The following MGP variants were observed in gnomAD, a reference collection of about 807,000 sequenced individuals.
The protein encoded by MGP is matrix Gla protein.
In MGP, 13 loss-of-function variants were observed where a neutral mutation model predicts 14.5. The observed-to-expected ratio is 0.89, with a 90% CI of 0.58 to 1.42. The LOEUF (loss-of-function observed/expected upper bound fraction) is 1.42. Among genes scored for constraint, MGP ranks in the 40% most tolerant of loss-of-function variants. The probability of loss-of-function intolerance (pLI) is 0.00; values close to 1 mark genes in which losing one functional copy is unlikely to be tolerated. For synonymous variants in MGP, 44 were observed against 46.3 expected, an observed-to-expected ratio of 0.95 and a Z score of 0.20; for missense variants, 128 against 133.7, an observed-to-expected ratio of 0.96 and a Z score of 0.21.
In MGP at chr12:14,882,146, G is replaced by A; in HGVS notation, c.305C>T (p.Thr102Ile). The change falls in exon 4 of 4, where the codon ACC becomes ATC. Residue 102 changes from threonine to isoleucine, a missense_variant. By Grantham distance (89) the Thr-to-Ile change is moderately conservative (BLOSUM62 -1). Coordinates refer to ENST00000539261, the MANE Select transcript of MGP (RefSeq NM_000900.5). ...TTTTTTCTTCCCTCAGTCTCATTTG[G>A]TCCCTCGGCGCTTCCTGAAGTAGCG... is the stretch of plus-strand genomic sequence containing the variant. ...YNRYFRKRRG[T>I]K 1 of 1,613,904 alleles carries A rather than the reference G, an allele frequency of 6.2e-7. No homozygotes were observed. Among genetic ancestry groups the A allele is most frequent in the South Asian group, 1.1e-5 (1 of 91,062 alleles).
intron 1 of MGP, among the ~76,000 whole-genome samples, chr12:14,885,227 C>T (rs1270393277): frequency 6.6e-6 from 1 of 152,102 alleles, no homozygotes; most frequent in Non-Finnish European, 1.5e-5. Flanking sequence ...GAAAATGATT[C>T]TTTTCTAAAA....
rs1175223618 is a variant in MGP, at chr12:14,881,857, C to T, written c.*282G>A. On this transcript the variant is annotated 3_prime_UTR_variant, in exon 4 of 4. Coordinates refer to ENST00000539261, the MANE Select transcript of MGP (RefSeq NM_000900.5). ...AAGGTGGGCCATGATTTAAATATCTCAATATCTTCCCAAAAGAAAGCAGAT... is the reference window on the plus strand; with the variant it reads ...AAGGTGGGCCATGATTTAAATATCTTAATATCTTCCCAAAAGAAAGCAGAT... 4 of 416,542 alleles carry T rather than the reference C, an allele frequency of 9.6e-6. No individual in the cohort carries two copies. In the Admixed American group the frequency reaches 1.4e-4, roughly 15 times the overall value. The allele number at this position is 416,542 out of a possible 1,614,324, so 25.8% of individuals were successfully genotyped here. A position where few individuals can be genotyped will look rare whatever the true frequency, so the allele number is the denominator to read the frequency against.
At chr12:14,884,822 G>A (rs921754434) in intron 1 of MGP, 19 of 1,533,910 alleles carry the variant, frequency 1.2e-5, no homozygotes, top group Non-Finnish European at 1.5e-5. Flanking sequence ...CCCTGGGCAC[G>A]ATGCCAGTTC....
intron 1 of MGP, 64 bp downstream of exon 1, chr12:14,885,667 T>C: frequency 2.3e-6 from 3 of 1,287,158 alleles, no homozygotes; most frequent in Admixed American, 1.8e-5. Flanking sequence ...AGAGGAAAAA[T>C]AGAAGTAAGC....
At position 14,883,039 on chromosome 12, in the gene MGP, T is replaced by C. The variant is rs1456930445; in HGVS notation, c.103A>G (p.Ile35Val). 1.9e-6 allele frequency: 3 copies of C among 1,607,906 alleles called. No individual in the cohort carries two copies. Among genetic ancestry groups the C allele is most frequent in the Admixed American group, 1.7e-5 (1 of 59,994 alleles). ...SMESYELNPF[I>V]NRRNANTFIS... ...AAGGTATTTGCATTTCTCCTGTTAA[T>C]GAAGGGATCTTAGAACAGAAAATAA... Residue 35 changes from isoleucine (I) to valine (V), a missense_variant, in exon 3 of 4, where the codon ATT becomes GTT. By Grantham distance (29) the Ile-to-Val change is conservative (BLOSUM62 3). Transcript: ENST00000539261.
rs1374164105 is a variant in MGP at position 14,881,396 on chromosome 12, G to A, written c.*743C>T. On this transcript the variant is annotated 3_prime_UTR_variant, in exon 4 of 4. Transcript: ENST00000539261. ...ATGTAGCGTGGAACCTTTAACAAAT[G>A]TAGAAGTAAAAATATAACATAAGTA... 1 of 152,134 alleles carries A rather than the reference G, an allele frequency of 6.6e-6. No individual in the cohort carries two copies. Among genetic ancestry groups the A allele is most frequent in the Non-Finnish European group, 1.5e-5 (1 of 68,030 alleles). The allele number at this position is 152,134 out of a possible 1,614,324, so 9.4% of individuals were successfully genotyped here. A position where few individuals can be genotyped will look rare whatever the true frequency, so the allele number is the denominator to read the frequency against.
In MGP at chr12:14,881,371, A is replaced by G. The variant is rs1863370049; in HGVS notation, c.*768T>C. Reference sequence around the variant, plus strand: ...ATTATTTAAAGCAAGAATAGTAAAAATGTAGCGTGGAACCTTTAACAAATG... The same window carrying G: ...ATTATTTAAAGCAAGAATAGTAAAAGTGTAGCGTGGAACCTTTAACAAATG... On this transcript the variant is annotated 3_prime_UTR_variant, in exon 4 of 4. Coordinates refer to ENST00000539261, the MANE Select transcript of MGP (RefSeq NM_000900.5). The G allele has an allele frequency of 6.6e-6, 1 of 152,206 alleles. No individual in the cohort carries two copies. Among genetic ancestry groups the G allele is most frequent in the Non-Finnish European group, 1.5e-5 (1 of 68,034 alleles). 9.4% of individuals were successfully genotyped at this position (152,206 alleles called of 1,614,324 possible). A position where few individuals can be genotyped will look rare whatever the true frequency, so the allele number is the denominator to read the frequency against.
chr12:14,884,278 A>G lies in MGP; in HGVS notation c.62-33T>C, dbSNP rs904655508. ...TAAAAAAAAAAGATTCATTATATCA[A>G]TATTTATCCATGATTCATTATGTTA... On this transcript the variant is annotated intron_variant, in intron 1 of 3. Coordinates refer to ENST00000539261, the MANE Select transcript of MGP (RefSeq NM_000900.5). The G allele has an allele frequency of 7.2e-6, 9 of 1,253,786 alleles. No homozygotes were observed. The South Asian group carries it at 7.9e-5, about 11-fold the overall frequency. The allele number at this position is 1,253,786 out of a possible 1,614,324, so 77.7% of individuals were successfully genotyped here.
At chr12:14,882,511 C>G (rs957111028) in intron 3 of MGP, among the ~76,000 whole-genome samples, 1 of 151,724 alleles carries the variant, frequency 6.6e-6, no homozygotes, top group African/African-American at 2.4e-5. Flanking sequence ...CTAGCCTGGC[C>G]AACATGACAA....
chr12:14,883,989 A>G (rs1202107521), intron 2 of MGP: 1 of 387,240 alleles, frequency 2.6e-6, no homozygotes, highest in African/African-American at 2.0e-5. Context: ...ATGGCTTCTA[A>G]ATATGTCGCC....
At chr12:14,884,806 A>T (rs1462022792) in intron 1 of MGP, 1 of 1,530,762 alleles carries the variant, frequency 6.5e-7, no homozygotes, top group Non-Finnish European at 8.7e-7. Context: ...TCCAGCTGAC[A>T]GCTCACCCTG....
Position 14,882,198 on chromosome 12 carries a change from C to A in MGP, c.253G>T (p.Val85Phe), listed in dbSNP as rs1233323216. 6.2e-7 allele frequency: 1 copy of A among 1,614,058 alleles called. No homozygotes were observed. ...TTATAGGCAGCATTGTATCCATAAA[C>A]CATGGCGTAGCGTTCGCAAAGTCTG... The part of the protein sequence containing the change: ...DYRLCERYAM[V>F]YGYNAAYNRY... Residue 85 changes from valine (V) to phenylalanine (F), a missense_variant, in exon 4 of 4, where the codon GTT becomes TTT. Physicochemically the swap from Val to Phe is conservative, Grantham distance 50 (BLOSUM62 -1). Transcript: ENST00000539261.
chr12:14,881,484 A>G lies in MGP; in HGVS notation c.*655T>C, dbSNP rs1185343753. The G allele has an allele frequency of 6.5e-6, 1 of 152,724 alleles. No homozygotes were observed. The highest frequency in any genetic ancestry group is 1.9e-4 in the East Asian group (1 of 5,208). The allele number at this position is 152,724 out of a possible 1,614,324, so 9.5% of individuals were successfully genotyped here. On this transcript the variant is annotated 3_prime_UTR_variant, in exon 4 of 4. Coordinates refer to ENST00000539261, the MANE Select transcript of MGP (RefSeq NM_000900.5). ...TATAATGTGATTATTGATATAGTTAAGTGTATAAACTATTATTGACAGTTT... is the reference window on the plus strand; with the variant it reads ...TATAATGTGATTATTGATATAGTTAGGTGTATAAACTATTATTGACAGTTT...
In MGP at chr12:14,883,823, C is replaced by T. The variant is rs530353225; in HGVS notation, c.94+390G>A. On this transcript the variant is annotated intron_variant, in intron 2 of 3. Transcript: ENST00000539261. Reference sequence around the variant, plus strand: ...CAAAAAAAAAAACAAGAAAGAAAAACACAAAAAAACCAAAACAGCACTCAG... The same window carrying T: ...CAAAAAAAAAAACAAGAAAGAAAAATACAAAAAAACCAAAACAGCACTCAG... 1.4e-4 allele frequency: 24 copies of T among 166,196 alleles called. No individual in the cohort carries two copies. The South Asian group carries it at 3.7e-3, about 26-fold the overall frequency. 10.3% of individuals were successfully genotyped at this position (166,196 alleles called of 1,614,324 possible).
rs201399360 is a variant in MGP, at chr12:14,882,117, G to T, written c.*22C>A. On this transcript the variant is annotated 3_prime_UTR_variant, in exon 4 of 4. Coordinates refer to ENST00000539261, the MANE Select transcript of MGP (RefSeq NM_000900.5). ...AGGTGCCAGCCTCCAGAAAAAAAGA[G>T]ATTTTTTTTCTTCCCTCAGTCTCAT... The T allele has an allele frequency of 8.4e-5, 135 of 1,613,834 alleles. No homozygotes were observed. In the African/African-American group the frequency reaches 1.4e-3, roughly 16 times the overall value.
chr12:14,881,376 G>A lies in MGP; in HGVS notation c.*763C>T, dbSNP rs985342194. 6.6e-6 allele frequency: 1 copy of A among 152,130 alleles called. No homozygotes were observed. Among genetic ancestry groups the A allele is most frequent in the Non-Finnish European group, 1.5e-5 (1 of 68,010 alleles). The allele number at this position is 152,130 out of a possible 1,614,324, so 9.4% of individuals were successfully genotyped here. ...TTAAAGCAAGAATAGTAAAAATGTA[G>A]CGTGGAACCTTTAACAAATGTAGAA... On this transcript the variant is annotated 3_prime_UTR_variant, in exon 4 of 4. Transcript: ENST00000539261.
chr12:14,883,202 A>G (rs558785091), intron 2 of MGP, 155 bp from the exon 3 acceptor site: 2 of 653,220 alleles, frequency 3.1e-6, no homozygotes, highest in Non-Finnish European at 5.6e-6. Flanking sequence ...TATAAAGTAG[A>G]TTTCATTAAC....
At chr12:14,882,853 G>T (rs1863395728) in intron 3 of MGP, 119 bp downstream of exon 3, 5 of 711,066 alleles carry the variant, frequency 7.0e-6, no homozygotes, top group East Asian at 5.6e-5. Context: ...TAAGTTTTTT[G>T]ATTTTAAAGA....
chr12:14,884,277 A>G lies in MGP; in HGVS notation c.62-32T>C, dbSNP rs188612083. ...TTAAAAAAAAAAGATTCATTATATC[A>G]ATATTTATCCATGATTCATTATGTT... On this transcript the variant is annotated intron_variant, in intron 1 of 3. Transcript: ENST00000539261. 10 of 1,268,424 alleles carry G rather than the reference A, an allele frequency of 7.9e-6. No homozygotes were observed. The African/African-American group carries it at 1.3e-4, about 17-fold the overall frequency. 78.6% of individuals were successfully genotyped at this position (1,268,424 alleles called of 1,614,324 possible).
Sources: allele counts gnomAD v4.1 joint callset (sites outside exome capture counted in the v4.1 genomes callset), GRCh38; gene constraint gnomAD v4.1.1; transcripts MANE v1.5; gene names NCBI Gene and HGNC (gene_info 2026-07-23, HGNC 2026-07-21).